Variants in SLC1A6 observed in about 807,000 individuals in gnomAD.
The protein encoded by SLC1A6 is solute carrier family 1 member 6.
Under a neutral mutation model 42.1 loss-of-function variants are expected in SLC1A6, and 15 were observed. That is an observed-to-expected ratio of 0.36 (90% CI 0.24 to 0.55). The LOEUF (loss-of-function observed/expected upper bound fraction) is 0.55. Among genes scored for constraint, SLC1A6 ranks in the 20% least tolerant of loss-of-function variants. The pLI is 0.88. For missense variants in SLC1A6, 542 were observed against 772.5 expected (o/e 0.70, Z 3.54); for synonymous variants, 317 against 319.7 (o/e 0.99, Z 0.09).
intron 1 of SLC1A6, among the ~76,000 whole-genome samples, chr19:15,009,764 T>A (rs1057218625): frequency 2.6e-5 from 4 of 151,502 alleles, no homozygotes; most frequent in East Asian, 3.8e-4. Flanking sequence ...TAAAAATAAA[T>A]TTTTTTTAAA....
At chr19:14,985,408 T>C (rs903269991) in intron 1 of SLC1A6, among the ~76,000 whole-genome samples, 2 of 152,170 alleles carry the variant, frequency 1.3e-5, no homozygotes. Context: ...CTCCTGGTAA[T>C]GAGTGAGTTC....
At chr19:14,971,137 G>T (rs8108809) in intron 3 of SLC1A6, among the ~76,000 whole-genome samples, 57,935 of 152,012 alleles carry the variant, frequency 0.38, 11,417 homozygotes, top group East Asian at 0.59. Context: ...AAAAACAAAA[G>T]AAAACAAAAC....
In SLC1A6 at chr19:14,972,935, G is replaced by A; in HGVS notation, c.-7-18C>T. The A allele has an allele frequency of 6.5e-7, 1 of 1,540,328 alleles. No homozygotes were observed. Among genetic ancestry groups the A allele is most frequent in the South Asian group, 1.2e-5 (1 of 83,974 alleles). ...TGGTCTATCTGCGGGAAACAGAGAA[G>A]CCTGGGGCTGGTGAGGGCCAGGACA... On this transcript the variant is annotated intron_variant, in intron 1 of 9. Coordinates refer to ENST00000594383, the MANE Select transcript of SLC1A6 (RefSeq NM_005071.3).
intron 6 of SLC1A6, among the ~76,000 whole-genome samples, chr19:14,959,693 C>A (rs1165770729): frequency 6.6e-6 from 1 of 152,178 alleles, no homozygotes; most frequent in Non-Finnish European, 1.5e-5. Context: ...TTCCTGAATG[C>A]CCCACCATTC....
Position 14,972,716 on chromosome 19 carries a change from G to A in SLC1A6, c.195C>T (p.Ala65=), listed in dbSNP as rs1160471173. The change falls in exon 2 of 10, where the codon GCC becomes GCT. Residue 65 remains alanine, a synonymous_variant. Transcript: ENST00000594383. ...RNAFILLTVS[A]VVIGVSLAFA... Reference sequence around the variant, plus strand: ...AGAGGCAGAGCTCACCAATGACCACGGCGCTGACCGTCAGCAGAATGAAGG... The same window carrying A: ...AGAGGCAGAGCTCACCAATGACCACAGCGCTGACCGTCAGCAGAATGAAGG... The A allele has an allele frequency of 4.3e-6, 7 of 1,613,860 alleles. No individual in the cohort carries two copies. The highest frequency in any genetic ancestry group is 3.3e-5 in the South Asian group (3 of 91,068).
At chr19:14,953,713 C>T (rs937226667) in intron 8 of SLC1A6, among the ~76,000 whole-genome samples, 12 of 152,114 alleles carry the variant, frequency 7.9e-5, no homozygotes, top group Non-Finnish European at 1.6e-4. Flanking sequence ...CGCTGAAGAC[C>T]TGAAGGAGAT....
intron 1 of SLC1A6, among the ~76,000 whole-genome samples, chr19:14,984,961 A>T (rs1017862313): frequency 4.6e-5 from 7 of 151,286 alleles, no homozygotes; most frequent in African/African-American, 1.7e-4. Context: ...GGCTCACTGC[A>T]ACCTCCACCT....
At chr19:14,975,979 C>T (rs1331074382) in intron 1 of SLC1A6, among the ~76,000 whole-genome samples, 1 of 152,078 alleles carries the variant, frequency 6.6e-6, no homozygotes, top group Non-Finnish European at 1.5e-5. Flanking sequence ...TACTATACCT[C>T]CTAACCTACA....
At chr19:14,965,888 A>G (rs1287353503) in intron 4 of SLC1A6, among the ~76,000 whole-genome samples, 1 of 151,580 alleles carries the variant, frequency 6.6e-6, no homozygotes. Context: ...TGTCTTTGGC[A>G]TGGTTGGAGC....
intron 4 of SLC1A6, among the ~76,000 whole-genome samples, chr19:14,964,884 A>G (rs1183331073): frequency 6.6e-6 from 1 of 152,202 alleles, no homozygotes; most frequent in Non-Finnish European, 1.5e-5. Context: ...TAACCACCTT[A>G]ACCCCAGCTA....
At chr19:14,995,097 G>A (rs2045838699) in intron 1 of SLC1A6, among the ~76,000 whole-genome samples, 1 of 152,038 alleles carries the variant, frequency 6.6e-6, no homozygotes, top group Non-Finnish European at 1.5e-5. Flanking sequence ...GGCCAAGACG[G>A]GTGGATCACC....
chr19:14,959,898 C>T (rs2045494269), intron 6 of SLC1A6, among the ~76,000 whole-genome samples: 1 of 152,158 alleles, frequency 6.6e-6, no homozygotes, highest in African/African-American at 2.4e-5. Context: ...TCCAAGTTCC[C>T]AACATTTTTT....
chr19:14,965,916 A>AC (rs2045569139), intron 4 of SLC1A6, among the ~76,000 whole-genome samples: 1 of 152,252 alleles, frequency 6.6e-6, no homozygotes, highest in East Asian at 1.9e-4. Flanking sequence ...CATTATTCTA[A>AC]GTGAAGTAAT....
intron 4 of SLC1A6, among the ~76,000 whole-genome samples, chr19:14,967,636 G>A (rs117373209): frequency 0.023 from 3,478 of 152,280 alleles, 72 homozygotes; most frequent in South Asian, 0.067. Flanking sequence ...ACCATGCCAC[G>A]CAGGGGTTAA....
At chr19:15,010,248 G>T (rs138260558) in intron 1 of SLC1A6, among the ~76,000 whole-genome samples, 1 of 132,464 alleles carries the variant, frequency 7.5e-6, no homozygotes, top group African/African-American at 3.5e-5. Context: ...AAAAGAAAAC[G>T]TAAGACTAAA....
intron 6 of SLC1A6, among the ~76,000 whole-genome samples, chr19:14,957,976 G>T (rs952568782): frequency 7.9e-5 from 12 of 152,196 alleles, no homozygotes; most frequent in Non-Finnish European, 1.3e-4. Flanking sequence ...AAGGAGAATA[G>T]AGAAGATGAA....
chr19:14,980,284 C>T (rs1004918911), upstream of SLC1A6: 4 of 152,228 alleles, frequency 2.6e-5, no homozygotes. Flanking sequence ...GGAAATGCTC[C>T]GTGCCAGCGC....
upstream of SLC1A6, among the ~76,000 whole-genome samples, chr19:14,983,025 G>A (rs1395279200): frequency 2.6e-5 from 4 of 152,180 alleles, no homozygotes; most frequent in Non-Finnish European, 4.4e-5. Flanking sequence ...TTTTTATACA[G>A]TTGATTTTCA....
chr19:14,973,088 G>A, intron 1 of SLC1A6, 171 bp from the exon 2 acceptor site: 1 of 592,928 alleles, frequency 1.7e-6, no homozygotes, highest in Non-Finnish European at 3.0e-6. Context: ...GGAGGCAGAG[G>A]CAGGAGAATC....
Sources: gnomAD v4.1 joint callset for allele counts (sites outside exome capture counted in the v4.1 genomes callset) on GRCh38, gnomAD v4.1.1 for gene constraint, MANE v1.5 for transcripts, NCBI Gene and HGNC (gene_info 2026-07-23, HGNC 2026-07-21) for gene names.